Variants in LINGO2 observed in about 807,000 individuals in gnomAD.
LINGO2 encodes the protein leucine-rich repeat and immunoglobulin-like domain-containing nogo receptor-interacting protein 2.
LINGO2 carries 14 observed loss-of-function variants against 30.6 expected under a neutral mutation model. That is an observed-to-expected ratio of 0.46 (90% confidence interval 0.30 to 0.72). LINGO2 has a LOEUF of 0.72. Ranked by LOEUF, LINGO2 falls within the 30% of genes least tolerant of loss-of-function variation. LINGO2 has a pLI of 0.07. For missense variants in LINGO2, 729 were observed against 751.7 expected, an observed-to-expected ratio of 0.97 and a Z score of 0.35; for synonymous variants, 317 against 288.5, an observed-to-expected ratio of 1.10 and a Z score of -1.00.
the LINGO2 span, among the ~76,000 whole-genome samples, chr9:28,848,397 G>GTGTGTATACATATATATATA: frequency 2.1e-5 from 1 of 48,420 alleles, no homozygotes; most frequent in Non-Finnish European, 3.9e-5. Context: ...GTGTGTGTGT[G>GTGTGTATACATATATATATA]TATATATATA....
intron 4 of LINGO2, among the ~76,000 whole-genome samples, chr9:28,042,159 G>A (rs1221010396): frequency 6.6e-6 from 1 of 152,086 alleles, no homozygotes; most frequent in Non-Finnish European, 1.5e-5. Context: ...CGATGAGTCA[G>A]GATCTACATA....
the LINGO2 span, among the ~76,000 whole-genome samples, chr9:28,681,036 C>T: frequency 6.6e-6 from 1 of 152,054 alleles, no homozygotes; most frequent in Admixed American, 6.6e-5. Context: ...TGTCATGGAA[C>T]TTTTCCATGT....
chr9:29,075,075 T>C, the LINGO2 span, among the ~76,000 whole-genome samples: 1 of 152,174 alleles, frequency 6.6e-6, no homozygotes, highest in African/African-American at 2.4e-5. Flanking sequence ...AATTGTATTG[T>C]CTGTTTTGAA....
At chr9:28,267,461 T>C (rs758286574) in intron 4 of LINGO2, among the ~76,000 whole-genome samples, 6 of 152,068 alleles carry the variant, frequency 3.9e-5, no homozygotes, top group Non-Finnish European at 8.8e-5. Context: ...TAGTTTTCTC[T>C]GGAATTTGCT....
At chr9:28,415,932 TCAA>T (rs761941267) in intron 2 of LINGO2, among the ~76,000 whole-genome samples, 4 of 152,188 alleles carry the variant, frequency 2.6e-5, no homozygotes, top group Non-Finnish European at 4.4e-5. Flanking sequence ...TTCAGAAAGA[TCAA>T]CAAGTGTTTA....
At chr9:28,085,542 G>C (rs1825884731) in intron 4 of LINGO2, among the ~76,000 whole-genome samples, 1 of 152,040 alleles carries the variant, frequency 6.6e-6, no homozygotes, top group East Asian at 1.9e-4. Context: ...ATAAACACTT[G>C]GGTTTGAAAG....
chr9:28,065,002 A>G (rs1345596938), intron 4 of LINGO2, among the ~76,000 whole-genome samples: 5 of 151,404 alleles, frequency 3.3e-5, no homozygotes, highest in African/African-American at 7.3e-5. Flanking sequence ...ACAAAAATCC[A>G]TATTATAGGA....
chr9:28,003,082 A>G (rs529318617), intron 5 of LINGO2, among the ~76,000 whole-genome samples: 1 of 152,184 alleles, frequency 6.6e-6, no homozygotes, highest in Non-Finnish European at 1.5e-5. Flanking sequence ...TAAAATTTGT[A>G]AAGTATATAT....
chr9:29,082,045 C>A, the LINGO2 span, among the ~76,000 whole-genome samples: 4 of 152,182 alleles, frequency 2.6e-5, no homozygotes, highest in Admixed American at 2.6e-4. Context: ...ATCAAGCTAC[C>A]AATGACTTTC....
At chr9:28,822,731 G>A in the LINGO2 span, among the ~76,000 whole-genome samples, 42 of 152,216 alleles carry the variant, frequency 2.8e-4, 1 homozygote, top group South Asian at 8.1e-3. Flanking sequence ...TTCCTCCTCA[G>A]GTTGCAGACG....
At chr9:29,112,404 A>C in the LINGO2 span, among the ~76,000 whole-genome samples, 2 of 152,138 alleles carry the variant, frequency 1.3e-5, no homozygotes, top group Non-Finnish European at 2.9e-5. Flanking sequence ...GGTGATTCCA[A>C]TGCATAGAGT....
At chr9:28,911,626 G>C in the LINGO2 span, among the ~76,000 whole-genome samples, 1 of 151,916 alleles carries the variant, frequency 6.6e-6, no homozygotes, top group African/African-American at 2.4e-5. Context: ...ATTTAATATA[G>C]AGTTAAGTAC....
intron 1 of LINGO2, among the ~76,000 whole-genome samples, chr9:28,620,950 A>G (rs1167118976): frequency 6.6e-6 from 1 of 152,098 alleles, no homozygotes; most frequent in Non-Finnish European, 1.5e-5. Flanking sequence ...CTGTGTAACA[A>G]GCCTGCACTT....
chr9:28,742,339 C>T, the LINGO2 span, among the ~76,000 whole-genome samples: 2 of 150,692 alleles, frequency 1.3e-5, no homozygotes, highest in Admixed American at 6.6e-5. Flanking sequence ...TAGATATTGC[C>T]GAAGTATTTT....
intron 3 of LINGO2, among the ~76,000 whole-genome samples, chr9:28,342,696 C>T (rs899760259): frequency 2.0e-5 from 3 of 152,038 alleles, no homozygotes; most frequent in African/African-American, 7.2e-5. Flanking sequence ...AGGACTGAAA[C>T]TAACTTCTCC....
chr9:28,314,958 C>A (rs1292072019), intron 3 of LINGO2, among the ~76,000 whole-genome samples: 1 of 148,926 alleles, frequency 6.7e-6, no homozygotes, highest in Non-Finnish European at 1.5e-5. Context: ...CGCAGTGAGC[C>A]GAGATCGCGC....
chr9:28,378,048 C>G (rs941528550), intron 2 of LINGO2, among the ~76,000 whole-genome samples: 1 of 152,188 alleles, frequency 6.6e-6, no homozygotes, highest in Admixed American at 6.5e-5. Context: ...TAGATCAAAT[C>G]ATTTATACTT....
the LINGO2 span, among the ~76,000 whole-genome samples, chr9:29,094,155 T>C: frequency 2.9e-5 from 4 of 138,804 alleles, 1 homozygote; most frequent in African/African-American, 1.1e-4. Context: ...CATTAAACAA[T>C]GTCCTTAAAA....
the LINGO2 span, among the ~76,000 whole-genome samples, chr9:28,930,660 T>C: frequency 0.74 from 112,551 of 151,998 alleles, 41,827 homozygotes; most frequent in Non-Finnish European, 0.78. The surrounding 1 kb of genome is among the most constrained non-coding windows in gnomAD (Gnocchi z 4.2). Flanking sequence ...ACATAGTAGA[T>C]TCTTTAGAAA....
Sources: allele counts gnomAD v4.1 joint callset (sites outside exome capture counted in the v4.1 genomes callset), GRCh38; gene constraint gnomAD v4.1.1; non-coding constraint Gnocchi (gnomAD v3.1); transcripts MANE v1.5; gene names NCBI Gene and HGNC (gene_info 2026-07-23, HGNC 2026-07-21).